Variants in THSD7A observed in about 807,000 individuals in gnomAD.
THSD7A encodes the protein thrombospondin type-1 domain-containing protein 7A.
Under a neutral mutation model 231.3 loss-of-function variants are expected in THSD7A, and 96 were observed. The observed-to-expected ratio is 0.41, with a 90% confidence interval of 0.35 to 0.49. The LOEUF (loss-of-function observed/expected upper bound fraction) is 0.49, where lower values mean the gene tolerates loss of function less well. THSD7A is among the 20% of genes least tolerant of loss of function. The pLI, the probability that THSD7A is intolerant of heterozygous loss-of-function variation, is 0.05. For missense variants in THSD7A, 2,290 were observed against 2,070.2 expected, an observed-to-expected ratio of 1.11 and a Z score of -2.06; for synonymous variants, 940 against 743.3, an observed-to-expected ratio of 1.26 and a Z score of -4.30.
In THSD7A at chr7:11,522,478, T is replaced by G. The variant is rs182908158; in HGVS notation, c.1822+18941A>C. Among the ~76,000 whole-genome samples, 327 of 152,348 alleles carry G rather than the reference T, an allele frequency of 2.1e-3. 4 individuals are homozygous for G. Among genetic ancestry groups the G allele is most frequent in the Admixed American group, 6.3e-3 (97 of 15,300 alleles). ...CACAAACATACTGTTTTTAAGTACT[T>G]TGCTTATTTTTCTATGGGTTTTATC... On this transcript the variant is annotated intron_variant, in intron 6 of 27. Transcript: ENST00000423059.
chr7:11,769,454 G>A (rs1279671841), intron 1 of THSD7A, among the ~76,000 whole-genome samples: 4 of 151,740 alleles, frequency 2.6e-5, no homozygotes, highest in Admixed American at 1.3e-4. Context: ...GGTCACCAGT[G>A]GGCTGCCATT....
intron 1 of THSD7A, among the ~76,000 whole-genome samples, chr7:11,673,620 C>T (rs1367983854): frequency 6.6e-6 from 1 of 152,164 alleles, no homozygotes; most frequent in Non-Finnish European, 1.5e-5. Context: ...CAAGAAGATG[C>T]CCACAGCACA....
intron 1 of THSD7A, among the ~76,000 whole-genome samples, chr7:11,743,433 A>G (rs1562522584): frequency 6.6e-6 from 1 of 151,960 alleles, no homozygotes; most frequent in Non-Finnish European, 1.5e-5. Context: ...GGATAAGGCC[A>G]ATGGATAGCA....
intron 1 of THSD7A, among the ~76,000 whole-genome samples, chr7:11,763,599 TGAA>T (rs1782934065): frequency 6.6e-6 from 1 of 152,092 alleles, no homozygotes; most frequent in African/African-American, 2.4e-5. Context: ...ACTCAAAAAA[TGAA>T]GTAGATGAAT....
At chr7:11,808,847 G>A (rs938720243) in intron 1 of THSD7A, among the ~76,000 whole-genome samples, 2 of 151,854 alleles carry the variant, frequency 1.3e-5, no homozygotes, top group Non-Finnish European at 2.9e-5. Context: ...ATACCTACAA[G>A]AATATCATTT....
chr7:11,823,026 T>C (rs926618281), intron 1 of THSD7A, among the ~76,000 whole-genome samples: 1 of 152,080 alleles, frequency 6.6e-6, no homozygotes, highest in Admixed American at 6.6e-5. Flanking sequence ...AACTGATTGC[T>C]CAGACCAATG....
intron 11 of THSD7A, among the ~76,000 whole-genome samples, chr7:11,449,495 G>C (rs954020453): frequency 6.6e-6 from 1 of 151,950 alleles, no homozygotes; most frequent in Non-Finnish European, 1.5e-5. Context: ...AAAATCCTTT[G>C]GTACCTAATC....
chr7:11,649,014 G>T (rs190854455), intron 1 of THSD7A, among the ~76,000 whole-genome samples: 1 of 152,016 alleles, frequency 6.6e-6, no homozygotes, highest in East Asian at 1.9e-4. Flanking sequence ...TTTTTATAGT[G>T]CTCTCTGATA....
chr7:11,490,214 C>T (rs956307766), intron 6 of THSD7A, among the ~76,000 whole-genome samples: 4 of 152,054 alleles, frequency 2.6e-5, no homozygotes, highest in Admixed American at 2.0e-4. Flanking sequence ...TCACATTTGA[C>T]TTCATTCCGG....
At chr7:11,433,808 C>A (rs1784550709) in intron 13 of THSD7A, among the ~76,000 whole-genome samples, 1 of 151,930 alleles carries the variant, frequency 6.6e-6, no homozygotes, top group South Asian at 2.1e-4. Flanking sequence ...TGTATGACTT[C>A]AGACTGATTC....
At chr7:11,576,815 AAGT>A (rs1790928894) in intron 4 of THSD7A, among the ~76,000 whole-genome samples, 4 of 152,172 alleles carry the variant, frequency 2.6e-5, no homozygotes, top group Admixed American at 2.6e-4. Context: ...CTTTTATAAG[AAGT>A]AGATTTCTAG....
intron 6 of THSD7A, among the ~76,000 whole-genome samples, chr7:11,500,151 T>C (rs757804641): frequency 4.6e-5 from 7 of 152,070 alleles, no homozygotes; most frequent in East Asian, 1.9e-4. Flanking sequence ...CCAGAAGAGA[T>C]TGGGGGCCTA....
At chr7:11,572,572 A>C (rs1790687081) in intron 4 of THSD7A, among the ~76,000 whole-genome samples, 1 of 152,104 alleles carries the variant, frequency 6.6e-6, no homozygotes. Flanking sequence ...GCAGTGGCGC[A>C]ATCATAGCTC....
chr7:11,519,405 T>TAC (rs71674430), intron 6 of THSD7A, among the ~76,000 whole-genome samples: 18,144 of 152,158 alleles, frequency 0.12, 1,302 homozygotes, highest in African/African-American at 0.2. Flanking sequence ...TTAATGCACT[T>TAC]ACACACACAT....
intron 4 of THSD7A, among the ~76,000 whole-genome samples, chr7:11,577,697 C>T (rs924502876): frequency 1.3e-5 from 2 of 151,406 alleles, no homozygotes; most frequent in African/African-American, 4.9e-5. Flanking sequence ...AGGCATAAAG[C>T]TCCCTATCTG....
intron 1 of THSD7A, among the ~76,000 whole-genome samples, chr7:11,765,581 A>G (rs1783006606): frequency 6.6e-6 from 1 of 152,202 alleles, no homozygotes; most frequent in African/African-American, 2.4e-5. Context: ...AACTTTGACT[A>G]TCGCCAACTT....
chr7:11,456,416 T>G, intron 11 of THSD7A, among the ~76,000 whole-genome samples: 1 of 152,092 alleles, frequency 6.6e-6, no homozygotes, highest in Non-Finnish European at 1.5e-5. Context: ...TAAAGGCAGA[T>G]ATTTTACTAT....
chr7:11,792,958 A>G (rs1285331930), intron 1 of THSD7A, among the ~76,000 whole-genome samples: 1 of 152,000 alleles, frequency 6.6e-6, no homozygotes, highest in Admixed American at 6.6e-5. Flanking sequence ...TTCTTGCAAT[A>G]TCCCATAGCA....
intron 6 of THSD7A, among the ~76,000 whole-genome samples, chr7:11,482,349 G>A (rs1281255209): frequency 1.3e-5 from 2 of 152,096 alleles, no homozygotes; most frequent in Non-Finnish European, 2.9e-5. Context: ...CTTTTTTGGA[G>A]ATGAGCTATG....
Sources: gnomAD v4.1 joint callset for allele counts (sites outside exome capture counted in the v4.1 genomes callset) on GRCh38, gnomAD v4.1.1 for gene constraint, MANE v1.5 for transcripts, NCBI Gene and HGNC (gene_info 2026-07-23, HGNC 2026-07-21) for gene names.